The following CDH18 variants were observed in gnomAD, a reference collection of about 807,000 sequenced individuals.
CDH18 encodes cadherin 18, also known as cadherin-18.
Under a neutral mutation model 67.9 loss-of-function variants are expected in CDH18, and 31 were observed. That is an observed-to-expected ratio of 0.46 (90% CI 0.34 to 0.62). CDH18 has a LOEUF of 0.62. CDH18 is among the 20% of genes least tolerant of loss of function. The pLI is 0.01. For missense variants in CDH18, 890 were observed against 975.5 expected (o/e 0.91, Z 1.17); for synonymous variants, 362 against 347.2 (o/e 1.04, Z -0.48).
chr5:20,484,159 C>G (rs1411500152), intron 1 of CDH18, among the ~76,000 whole-genome samples: 1 of 151,846 alleles, frequency 6.6e-6, no homozygotes, highest in Non-Finnish European at 1.5e-5. Flanking sequence ...TACAAATGTC[C>G]AGCAGATATA....
chr5:20,455,242 G>T (rs961054289), intron 1 of CDH18, among the ~76,000 whole-genome samples: 1 of 152,034 alleles, frequency 6.6e-6, no homozygotes, highest in African/African-American at 2.4e-5. Context: ...CAAACACCCT[G>T]TTGGGAAGTG....
intron 2 of CDH18, among the ~76,000 whole-genome samples, chr5:20,238,067 T>C (rs920025481): frequency 1.3e-5 from 2 of 151,958 alleles, no homozygotes; most frequent in African/African-American, 4.8e-5. Context: ...GTAATCATTG[T>C]AACAAACAAT....
At chr5:20,190,518 A>G (rs1580441031) in intron 2 of CDH18, among the ~76,000 whole-genome samples, 1 of 152,064 alleles carries the variant, frequency 6.6e-6, no homozygotes. Context: ...CCATTCAAGT[A>G]TACCTGGATG....
chr5:19,595,796 A>G (rs1746075568), intron 6 of CDH18, among the ~76,000 whole-genome samples: 1 of 152,240 alleles, frequency 6.6e-6, no homozygotes, highest in South Asian at 2.1e-4. Flanking sequence ...ATACACCTGG[A>G]ATAAACTCAC....
At chr5:20,568,022 A>C (rs923049384) in intron 1 of CDH18, among the ~76,000 whole-genome samples, 4 of 152,160 alleles carry the variant, frequency 2.6e-5, no homozygotes, top group African/African-American at 9.7e-5. Flanking sequence ...GAGTCCTGCT[A>C]TTGTTTATAT....
At chr5:19,643,844 A>C (rs1192381309) in intron 5 of CDH18, among the ~76,000 whole-genome samples, 3 of 152,224 alleles carry the variant, frequency 2.0e-5, no homozygotes, top group African/African-American at 7.2e-5. Context: ...CAACACACAC[A>C]AACACAAACA....
intron 1 of CDH18, among the ~76,000 whole-genome samples, chr5:20,499,190 C>T (rs1319950576): frequency 6.6e-6 from 1 of 151,848 alleles, no homozygotes; most frequent in Non-Finnish European, 1.5e-5. Context: ...CCCATGGATA[C>T]GAAAATCCAC....
At chr5:20,304,283 T>C in intron 1 of CDH18, 2 of 1,603,166 alleles carry the variant, frequency 1.2e-6, no homozygotes. Flanking sequence ...AAGCTGTGTC[T>C]TCTGATTTGC....
intron 3 of CDH18, among the ~76,000 whole-genome samples, chr5:19,747,604 T>G (rs74640513): frequency 0.046 from 7,013 of 152,158 alleles, 445 homozygotes; most frequent in African/African-American, 0.15. Flanking sequence ...GTGAAAATAA[T>G]ATATTTGGTT....
At chr5:20,157,540 T>A (rs1355731693) in intron 2 of CDH18, among the ~76,000 whole-genome samples, 1 of 152,112 alleles carries the variant, frequency 6.6e-6, no homozygotes, top group Non-Finnish European at 1.5e-5. Context: ...GTATTTAGGG[T>A]TTCCATCACT....
chr5:20,399,236 T>C (rs976882183), intron 1 of CDH18, among the ~76,000 whole-genome samples: 3 of 152,186 alleles, frequency 2.0e-5, no homozygotes, highest in East Asian at 1.9e-4. Context: ...TGTTTACTCT[T>C]CTATCATTGT....
chr5:20,195,535 TG>T (rs1419579905), intron 2 of CDH18, among the ~76,000 whole-genome samples: 1 of 152,020 alleles, frequency 6.6e-6, no homozygotes, highest in Non-Finnish European at 1.5e-5. Flanking sequence ...TTACAATTGA[TG>T]GTAGAATTAT....
At chr5:19,690,377 T>C (rs531323959) in intron 5 of CDH18, among the ~76,000 whole-genome samples, 3 of 151,394 alleles carry the variant, frequency 2.0e-5, no homozygotes, top group Admixed American at 6.6e-5. Flanking sequence ...AATCTAATAA[T>C]CCACTTCAAG....
intron 5 of CDH18, among the ~76,000 whole-genome samples, chr5:19,639,396 G>A (rs940825358): frequency 1.3e-5 from 2 of 152,150 alleles, no homozygotes; most frequent in African/African-American, 4.8e-5. Flanking sequence ...CTGGGTGGAT[G>A]CCCTAACAGC....
intron 3 of CDH18, among the ~76,000 whole-genome samples, chr5:19,761,731 G>GA (rs1206210407): frequency 2.6e-5 from 4 of 152,124 alleles, no homozygotes; most frequent in African/African-American, 7.2e-5. Context: ...CACAGAATTG[G>GA]AAAAAACTAC....
chr5:19,627,108 C>T (rs957378647), intron 5 of CDH18, among the ~76,000 whole-genome samples: 11 of 152,124 alleles, frequency 7.2e-5, no homozygotes, highest in African/African-American at 2.4e-5. Flanking sequence ...CATGTTCAAT[C>T]GTGTCACCTT....
intron 6 of CDH18, among the ~76,000 whole-genome samples, chr5:19,608,369 G>T (rs925263198): frequency 6.6e-6 from 1 of 151,448 alleles, no homozygotes; most frequent in Non-Finnish European, 1.5e-5. Flanking sequence ...AAAAAATCCT[G>T]CATATTTTGA....
chr5:19,978,289 C>A (rs1414871077), intron 2 of CDH18, among the ~76,000 whole-genome samples: 1 of 151,992 alleles, frequency 6.6e-6, no homozygotes, highest in African/African-American at 2.4e-5. Context: ...CTTTTTGAGG[C>A]AACTAGCATC....
intron 3 of CDH18, among the ~76,000 whole-genome samples, chr5:19,809,145 G>C (rs192408261): frequency 8.7e-4 from 132 of 152,086 alleles, no homozygotes; most frequent in Non-Finnish European, 1.5e-3. Flanking sequence ...AATTAGAAAT[G>C]GTATATAAAA....
Sources: gnomAD v4.1 joint callset for allele counts (sites outside exome capture counted in the v4.1 genomes callset) on GRCh38, gnomAD v4.1.1 for gene constraint, MANE v1.5 for transcripts, NCBI Gene and HGNC (gene_info 2026-07-23, HGNC 2026-07-21) for gene names.